Variants in NUMA1 observed in about 807,000 individuals in gnomAD.
NUMA1 encodes the protein SP-H antigen.
Under a neutral mutation model 237.1 loss-of-function variants are expected in NUMA1, and 62 were observed. The ratio of observed to expected loss-of-function variants is 0.26; its 90% CI spans 0.21 to 0.32. The LOEUF (loss-of-function observed/expected upper bound fraction) is 0.32. Ranked by LOEUF, NUMA1 falls within the 10% of genes least tolerant of loss-of-function variation. NUMA1 has a pLI of 1.00. For synonymous variants in NUMA1, 1,028 were observed against 1,066.1 expected, an observed-to-expected ratio of 0.96 and a Z score of 0.70; for missense variants, 2,533 against 2,666.5, an observed-to-expected ratio of 0.95 and a Z score of 1.10.
At position 72,033,377 on chromosome 11, in the gene NUMA1, T is replaced by G. The variant is rs1241770161; in HGVS notation, c.42+2525A>C. ...TGCATGTTCTTTGTTTTTTTTTTTT[T>G]TTTTTTTTTTTTGACACAGGCTTTC... is the stretch of plus-strand genomic sequence containing the variant. On this transcript the variant is annotated intron_variant, in intron 3 of 26. Transcript: ENST00000393695. Among the ~76,000 whole-genome samples, 412 of 148,978 alleles carry G rather than the reference T, an allele frequency of 2.8e-3. 3 individuals carry two copies. The highest frequency in any genetic ancestry group is 3.8e-3 in the Admixed American group (57 of 14,838).
chr11:72,075,518 C>T (rs1943666540), intron 1 of NUMA1, among the ~76,000 whole-genome samples: 1 of 152,208 alleles, frequency 6.6e-6, no homozygotes, highest in Non-Finnish European at 1.5e-5. Flanking sequence ...AAACCAGCAG[C>T]ACCAGGTAAC....
intron 2 of NUMA1, among the ~76,000 whole-genome samples, chr11:72,048,497 G>A (rs1034740893): frequency 3.3e-5 from 5 of 152,050 alleles, no homozygotes; most frequent in African/African-American, 7.2e-5. Context: ...TCAGCCTCCC[G>A]AGTAGCTGGG....
At position 72,021,257 on chromosome 11, in the gene NUMA1, T is replaced by A; in HGVS notation, c.407A>T (p.Asp136Val). 1.9e-6 allele frequency: 3 copies of A among 1,614,212 alleles called. No individual in the cohort carries two copies. Among genetic ancestry groups the A allele is most frequent in the Non-Finnish European group, 2.5e-6 (3 of 1,180,038 alleles). The change falls in exon 8 of 27, where the codon GAC becomes GTC. Residue 136 changes from aspartate to valine, a missense_variant. This residue lies in a region of NUMA1 where 1,414 missense variants were observed against 1,508.1 expected (regional missense o/e 0.94). Coordinates refer to ENST00000393695, the MANE Select transcript of NUMA1 (RefSeq NM_006185.4). ...ATTAAGGTTTAGCCCGTCCTCATGG[T>A]CCAGCACAAATTTAAGAATGACAGC... ...ELAVILKFVL[D>V]HEDGLNLNED... is the part of the protein sequence containing the mutation.
At chr11:72,029,052 T>C (rs1939949062) in intron 4 of NUMA1, among the ~76,000 whole-genome samples, 153 bp downstream of exon 4, 2 of 152,218 alleles carry the variant, frequency 1.3e-5, no homozygotes, top group South Asian at 4.1e-4. Context: ...GTCAATGTAT[T>C]CTTGCCTTTA....
chr11:72,061,945 A>C (rs1942967336), intron 2 of NUMA1, among the ~76,000 whole-genome samples: 3 of 152,028 alleles, frequency 2.0e-5, no homozygotes, highest in African/African-American at 4.8e-5. Context: ...CACACCACAC[A>C]ACACAACACA....
In NUMA1 at chr11:72,015,392, A is replaced by G. The variant is rs1956455526; in HGVS notation, c.2111T>C (p.Leu704Pro). ...AQEKDQLQEQ[L>P]QALKESLKVT... ...CTTCAAGGACTCTTTGAGGGCCTGGAGCTGCTCCTGGAGCTGGTCCTTCTC... is the reference window on the plus strand; with the variant it reads ...CTTCAAGGACTCTTTGAGGGCCTGGGGCTGCTCCTGGAGCTGGTCCTTCTC... Residue 704 changes from leucine to proline, a missense_variant, in exon 15 of 27, where the codon CTC (leucine) becomes CCC (proline). By Grantham distance (98) the Leu-to-Pro change is moderately conservative (BLOSUM62 -3). This residue lies in a region of NUMA1 where 1,414 missense variants were observed against 1,508.1 expected (regional missense o/e 0.94). Coordinates refer to ENST00000393695, the MANE Select transcript of NUMA1 (RefSeq NM_006185.4). The surrounding 1 kb of genome is among the most constrained non-coding windows in gnomAD (Gnocchi z 4.0). 1 of 1,612,040 alleles carries G rather than the reference A, an allele frequency of 6.2e-7. No individual in the cohort carries two copies. The highest frequency in any genetic ancestry group is 8.5e-7 in the Non-Finnish European group (1 of 1,179,996).
At chr11:72,056,262 T>G (rs1447925280) in intron 2 of NUMA1, among the ~76,000 whole-genome samples, 1 of 151,614 alleles carries the variant, frequency 6.6e-6, no homozygotes, top group Non-Finnish European at 1.5e-5. Flanking sequence ...AGTTTGAGGC[T>G]TCAGTGAGCT....
At chr11:72,064,367 CG>C (rs151013871) in intron 2 of NUMA1, among the ~76,000 whole-genome samples, 3,461 of 151,374 alleles carry the variant, frequency 0.023, 131 homozygotes, top group African/African-American at 0.08. Flanking sequence ...GAAGCTAAAG[CG>C]GGAAGATCAC....
intron 2 of NUMA1, among the ~76,000 whole-genome samples, chr11:72,044,372 A>G (rs112521519): frequency 2.6e-5 from 4 of 152,210 alleles, no homozygotes; most frequent in African/African-American, 9.6e-5. Flanking sequence ...CCTACTTGGC[A>G]TTTTGGTCCC....
intron 2 of NUMA1, among the ~76,000 whole-genome samples, chr11:72,063,692 G>A (rs1289303320): frequency 6.6e-6 from 1 of 151,028 alleles, no homozygotes; most frequent in Non-Finnish European, 1.5e-5. Flanking sequence ...CAAGGTAGGA[G>A]GATTGCTTGA....
At chr11:72,069,171 C>T (rs1035946636) in intron 2 of NUMA1, among the ~76,000 whole-genome samples, 1 of 152,228 alleles carries the variant, frequency 6.6e-6, no homozygotes, top group African/African-American at 2.4e-5. Flanking sequence ...ATATCTGTCA[C>T]ATTTGTTCAA....
Position 72,014,502 on chromosome 11 carries a change from GC to G in NUMA1, c.3000del (p.Gln1001SerfsTer9). On this transcript the variant is annotated frameshift_variant, in exon 15 of 27. Transcript: ENST00000393695. LOFTEE classifies it high-confidence loss of function. This position sits in a 1 kb window ranked among gnomAD's most constrained non-coding sequence, Gnocchi z 4.6. Reference protein sequence around the residue: ...ESQGQQQEERGQQEREVARLT... With the variant: ...ESQGQQQEERXQQEREVARLT... ...AGCCGCGCCACCTCCCTTTCCTGCT[GC>G]CCACGCTCCTCCTGCTGCTGCCCCT... is the stretch of plus-strand genomic sequence containing the variant. 1 of 1,601,888 alleles carries G rather than the reference GC, an allele frequency of 6.2e-7. No individual in the cohort carries two copies.
chr11:72,017,497 G>GAA (rs34393610), intron 13 of NUMA1, 190 bp downstream of exon 13: 14,475 of 450,762 alleles, frequency 0.032, no homozygotes, highest in Non-Finnish European at 0.039. Context: ...ATTGACTGGG[G>GAA]AAAAAAAAAA....
chr11:72,056,785 C>A (rs1285724963), intron 2 of NUMA1, among the ~76,000 whole-genome samples: 1 of 151,722 alleles, frequency 6.6e-6, no homozygotes, highest in Non-Finnish European at 1.5e-5. Flanking sequence ...GTACAAAATT[C>A]TTGCACACTC....
At chr11:72,039,295 T>G (rs1941400141) in intron 2 of NUMA1, among the ~76,000 whole-genome samples, 1 of 152,222 alleles carries the variant, frequency 6.6e-6, no homozygotes, top group African/African-American at 2.4e-5. Flanking sequence ...AGCTTCAGTT[T>G]TAAGTACAGA....
chr11:72,031,488 C>T (rs1221058341), intron 3 of NUMA1, among the ~76,000 whole-genome samples: 2 of 151,862 alleles, frequency 1.3e-5, no homozygotes, highest in Non-Finnish European at 2.9e-5. Context: ...GAGTTAAACA[C>T]TTTCACATTT....
intron 1 of NUMA1, among the ~76,000 whole-genome samples, chr11:72,075,064 A>AATAAATAAATAAATAAATAG (rs1943647115): frequency 1.3e-5 from 2 of 150,156 alleles, no homozygotes; most frequent in African/African-American, 4.9e-5. Flanking sequence ...TAAATAAATA[A>AATAAATAAATAAATAAATAG]AATAAAAATA....
intron 20 of NUMA1, 142 bp from the exon 21 acceptor site, chr11:72,007,577 C>A: frequency 1.9e-6 from 2 of 1,062,164 alleles, no homozygotes; most frequent in South Asian, 1.4e-5. Flanking sequence ...TCAGAGGTAC[C>A]AAGGAAAGCA....
chr11:72,004,183 C>CCG (rs577304318), intron 25 of NUMA1, 42 bp downstream of exon 25: 47 of 1,603,700 alleles, frequency 2.9e-5, no homozygotes, highest in African/African-American at 1.2e-4. Context: ...CAGCAAGGTC[C>CCG]CGCCAGGGCG....
Sources: allele counts gnomAD v4.1 joint callset (sites outside exome capture counted in the v4.1 genomes callset), GRCh38; gene constraint gnomAD v4.1.1; regional missense constraint gnomAD v4.1.1; non-coding constraint Gnocchi (gnomAD v3.1); transcripts MANE v1.5; gene names NCBI Gene and HGNC (gene_info 2026-07-23, HGNC 2026-07-21).